FNBP1: variants seen among roughly 807,000 people sequenced by gnomAD.
FNBP1 encodes formin binding protein 1.
A neutral mutation model predicts 90.6 loss-of-function variants in FNBP1; 26 were observed. The ratio of observed to expected loss-of-function variants is 0.29; its 90% CI spans 0.21 to 0.40. The LOEUF is 0.40. Ranked by LOEUF, FNBP1 falls within the 10% of genes least tolerant of loss-of-function variation. The probability of loss-of-function intolerance (pLI) is 1.00; values close to 1 mark genes in which losing one functional copy is unlikely to be tolerated. For synonymous variants in FNBP1, 260 were observed against 265.2 expected, an observed-to-expected ratio of 0.98 and a Z score of 0.19; for missense variants, 635 against 768.0, an observed-to-expected ratio of 0.83 and a Z score of 2.05.
intron 6 of FNBP1, among the ~76,000 whole-genome samples, chr9:129,931,056 C>T (rs1459363541): frequency 6.6e-6 from 1 of 152,130 alleles, no homozygotes; most frequent in East Asian, 1.9e-4. Context: ...GCAATCCCAG[C>T]TCTATGGAAG....
chr9:129,895,813 TG>T, intron 16 of FNBP1, 24 bp downstream of exon 16: 2 of 1,501,448 alleles, frequency 1.3e-6, no homozygotes, highest in South Asian at 2.6e-5. Flanking sequence ...TTTTTTTTTA[TG>T]GTATTAAATA....
intron 13 of FNBP1, among the ~76,000 whole-genome samples, chr9:129,902,541 AC>A (rs1480060245): frequency 6.6e-6 from 1 of 152,146 alleles, no homozygotes; most frequent in Non-Finnish European, 1.5e-5. Flanking sequence ...GCAGTGAGCT[AC>A]AAGCATGCCA....
At chr9:129,996,144 T>C (rs1345702110) in intron 1 of FNBP1, among the ~76,000 whole-genome samples, 1 of 152,130 alleles carries the variant, frequency 6.6e-6, no homozygotes, top group African/African-American at 2.4e-5. Context: ...GAAAATTAAA[T>C]GTTGTTTTGA....
chr9:129,891,426 C>T (rs188236447), intron 16 of FNBP1, among the ~76,000 whole-genome samples: 126 of 152,250 alleles, frequency 8.3e-4, no homozygotes, highest in African/African-American at 2.9e-3. Flanking sequence ...GATCACACCA[C>T]TGCACTTCAG....
Position 129,894,511 on chromosome 9 carries a change from C to A in FNBP1, c.1846+1327G>T, listed in dbSNP as rs375910352. Among the ~76,000 whole-genome samples, 835 of 152,168 alleles carry A rather than the reference C, an allele frequency of 5.5e-3. 6 individuals carry two copies. Among genetic ancestry groups the A allele is most frequent in the African/African-American group, 0.019 (769 of 41,510 alleles). ...CAAAACAAAACAAAAACAACAACAA[C>A]AAAAAAACAAAAGCAAACCCCCAAA... On this transcript the variant is annotated intron_variant, in intron 16 of 16. Coordinates refer to ENST00000446176, the MANE Select transcript of FNBP1 (RefSeq NM_015033.3).
At chr9:129,929,479 C>CATTAGTGGAAATTTGGAATTATAT in intron 7 of FNBP1, 88 bp downstream of exon 7, 1 of 897,606 alleles carries the variant, frequency 1.1e-6, no homozygotes, top group South Asian at 1.8e-5. Context: ...ACTCAGAATA[C>CATTAGTGGAAATTTGGAATTATAT]AAACCCAGCA....
intron 6 of FNBP1, among the ~76,000 whole-genome samples, chr9:129,934,941 C>A (rs1371782644): frequency 6.6e-6 from 1 of 152,082 alleles, no homozygotes; most frequent in Non-Finnish European, 1.5e-5. Flanking sequence ...CTAAGCCATA[C>A]TGCCTAAAAG....
At chr9:129,933,923 A>C (rs929248863) in intron 6 of FNBP1, among the ~76,000 whole-genome samples, 1 of 152,212 alleles carries the variant, frequency 6.6e-6, no homozygotes, top group Admixed American at 6.6e-5. Flanking sequence ...CCATTGTTCT[A>C]ACCAAATTTC....
rs775300186 is a variant in FNBP1 at position 129,890,576 on chromosome 9, ACT to A, written c.1847-32_1847-31del. Reference sequence around the variant, plus strand: ...AACACAAAGAGAAACAGAAAGAGAAACTCTCTGTTAGAGAGGAAGGCGCGGGT... The same window carrying A: ...AACACAAAGAGAAACAGAAAGAGAAACTCTGTTAGAGAGGAAGGCGCGGGT... On this transcript the variant is annotated intron_variant, in intron 16 of 16. Transcript: ENST00000446176. This position sits in a 1 kb window ranked among gnomAD's most constrained non-coding sequence, Gnocchi z 5.8. 1.4e-4 allele frequency: 217 copies of A among 1,555,084 alleles called. No homozygotes were observed. The highest frequency in any genetic ancestry group is 1.7e-4 in the Non-Finnish European group (196 of 1,148,528).
At chr9:130,049,851 A>C in the FNBP1 span, among the ~76,000 whole-genome samples, 1 of 152,008 alleles carries the variant, frequency 6.6e-6, no homozygotes, top group Non-Finnish European at 1.5e-5. Context: ...CAATCCTTTC[A>C]GCATTTTCTT....
chr9:129,948,314 T>C (rs947894227), intron 6 of FNBP1, among the ~76,000 whole-genome samples: 2 of 151,732 alleles, frequency 1.3e-5, no homozygotes, highest in Non-Finnish European at 2.9e-5. Context: ...ATTTAATTTA[T>C]TTGTCTGTGC....
At chr9:130,011,780 T>C (rs1564570755) in intron 1 of FNBP1, among the ~76,000 whole-genome samples, 2 of 152,162 alleles carry the variant, frequency 1.3e-5, no homozygotes, top group African/African-American at 4.8e-5. Flanking sequence ...ACAGAATAAA[T>C]ATAGAAATAT....
At chr9:129,986,560 G>T (rs1036230238) in intron 2 of FNBP1, among the ~76,000 whole-genome samples, 6 of 152,182 alleles carry the variant, frequency 3.9e-5, no homozygotes, top group Non-Finnish European at 7.4e-5. Flanking sequence ...GGGAGGCCGA[G>T]GTGGGCGGAT....
chr9:129,971,970 G>C (rs2049517652), intron 4 of FNBP1, among the ~76,000 whole-genome samples: 1 of 152,254 alleles, frequency 6.6e-6, no homozygotes, highest in South Asian at 2.1e-4. Flanking sequence ...GGGCAGCCAG[G>C]ATTCTGCCGC....
At chr9:129,903,054 G>C in intron 12 of FNBP1, 53 bp from the exon 13 acceptor site, 1 of 1,507,188 alleles carries the variant, frequency 6.6e-7, no homozygotes, top group Non-Finnish European at 9.0e-7. Flanking sequence ...TTTTTTTTTA[G>C]ACAGTTTCAC....
intron 4 of FNBP1, among the ~76,000 whole-genome samples, chr9:129,961,261 G>C (rs1028953508): frequency 6.6e-6 from 1 of 151,886 alleles, no homozygotes; most frequent in Non-Finnish European, 1.5e-5. Context: ...GCGGTGAGCC[G>C]AGATAGTACC....
intron 4 of FNBP1, among the ~76,000 whole-genome samples, chr9:129,975,673 G>A (rs1342512949): frequency 4.6e-5 from 7 of 152,102 alleles, no homozygotes; most frequent in African/African-American, 9.6e-5. Flanking sequence ...AGGCCAAGAC[G>A]GGTGGATCAT....
chr9:129,927,466 C>T, intron 7 of FNBP1, 125 bp from the exon 8 acceptor site: 1 of 820,582 alleles, frequency 1.2e-6, no homozygotes, highest in Non-Finnish European at 2.0e-6. Flanking sequence ...GTTAGAGCGG[C>T]TCTAAGTACA....
At chr9:129,940,034 C>G (rs2044095011) in intron 6 of FNBP1, among the ~76,000 whole-genome samples, 2 of 151,728 alleles carry the variant, frequency 1.3e-5, no homozygotes, top group Admixed American at 6.6e-5. Context: ...GACTCCATTT[C>G]TAAAAAAAAA....
Sources: gnomAD v4.1 joint callset for allele counts (sites outside exome capture counted in the v4.1 genomes callset) on GRCh38, gnomAD v4.1.1 for gene constraint, Gnocchi (gnomAD v3.1) non-coding constraint, MANE v1.5 for transcripts, NCBI Gene and HGNC (gene_info 2026-07-23, HGNC 2026-07-21) for gene names.